The following ZNF469 variants were observed in gnomAD, a reference collection of about 807,000 sequenced individuals.
ZNF469 encodes the protein zinc finger protein 469.
In ZNF469, 1 loss-of-function variant was observed where a neutral mutation model predicts 1.0. The observed-to-expected ratio is 1.00, with a 90% confidence interval of 0.35 to 4.73. The LOEUF is 4.73. Ranked by LOEUF, ZNF469 falls within the 30% of genes most tolerant of loss-of-function variation. The pLI is 0.16. For missense variants in ZNF469, 6,100 were observed against 5,356.3 expected, an observed-to-expected ratio of 1.14 and a Z score of -4.33; for synonymous variants, 2,703 against 2,363.4, an observed-to-expected ratio of 1.14 and a Z score of -4.17.
At chr16:88,112,963 A>G in the ZNF469 span, among the ~76,000 whole-genome samples, 1 of 151,824 alleles carries the variant, frequency 6.6e-6, no homozygotes, top group African/African-American at 2.4e-5. Context: ...CATTTTTAGT[A>G]GAGACGGGGT....
the ZNF469 span, among the ~76,000 whole-genome samples, chr16:88,117,956 T>G: frequency 2.0e-5 from 3 of 152,230 alleles, no homozygotes; most frequent in African/African-American, 7.2e-5. Context: ...TTTCTTTGTT[T>G]TTTTGAGACG....
In ZNF469 at chr16:88,420,171, C is replaced by T. The variant is rs571003060; in HGVS notation, c.-191-4636C>T. Among the ~76,000 whole-genome samples the T allele has an allele frequency of 1.2e-4, 18 of 152,350 alleles. No individual in the cohort carries two copies. The South Asian group carries it at 2.7e-3, about 23-fold the overall frequency. ...CAGTTCTCCCGCAGCTCCCCCTCGCCTGGAACCCCACGCTTTCCGCTCTCC... is the reference window on the plus strand; with the variant it reads ...CAGTTCTCCCGCAGCTCCCCCTCGCTTGGAACCCCACGCTTTCCGCTCTCC... On this transcript the variant is annotated intron_variant, in intron 1 of 2. Coordinates refer to ENST00000565624, the MANE Select transcript of ZNF469 (RefSeq NM_001367624.2).
the ZNF469 span, among the ~76,000 whole-genome samples, chr16:88,130,206 G>A: frequency 1.3e-5 from 2 of 152,176 alleles, no homozygotes; most frequent in African/African-American, 4.8e-5. Context: ...GGAAACGGGA[G>A]GCCAAGCTGT....
At chr16:88,133,621 TC>T in the ZNF469 span, among the ~76,000 whole-genome samples, 4,936 of 150,962 alleles carry the variant, frequency 0.033, no homozygotes, top group African/African-American at 0.11. Flanking sequence ...TTTTAATAAA[TC>T]AATAGATTAA....
the ZNF469 span, among the ~76,000 whole-genome samples, chr16:88,264,013 C>T: frequency 2.6e-5 from 4 of 152,102 alleles, no homozygotes; most frequent in Non-Finnish European, 5.9e-5. Context: ...CACCAGCCTC[C>T]CTGTGGCAGG....
the ZNF469 span, among the ~76,000 whole-genome samples, chr16:88,110,521 C>T: frequency 6.6e-6 from 1 of 152,390 alleles, no homozygotes; most frequent in Admixed American, 6.5e-5. Flanking sequence ...TCCTGCTCCT[C>T]CACACCCACA....
chr16:88,277,761 A>G, the ZNF469 span, among the ~76,000 whole-genome samples: 9 of 46,798 alleles, frequency 1.9e-4, no homozygotes, highest in Admixed American at 4.3e-4. Context: ...CCACGCTGAC[A>G]CTCGGTCAGT....
chr16:88,396,999 G>A (rs147780237), intron 1 of ZNF469, among the ~76,000 whole-genome samples: 30,921 of 129,536 alleles, frequency 0.24, 3,287 homozygotes, highest in African/African-American at 0.36. Context: ...AAGGGAGGCC[G>A]GGAGGAGACC....
chr16:88,385,041 G>A (rs920294534), intron 1 of ZNF469, among the ~76,000 whole-genome samples: 14 of 152,096 alleles, frequency 9.2e-5, no homozygotes, highest in African/African-American at 1.2e-4. Flanking sequence ...TAATAGGGAT[G>A]GTCTCCCCCT....
chr16:88,327,762 A>G, the ZNF469 span, among the ~76,000 whole-genome samples: 23 of 152,258 alleles, frequency 1.5e-4, 1 homozygote, highest in South Asian at 4.6e-3. Flanking sequence ...CCCGCACCAC[A>G]GGTGTCATCC....
At chr16:88,261,372 T>C in the ZNF469 span, among the ~76,000 whole-genome samples, 753 of 152,286 alleles carry the variant, frequency 4.9e-3, 6 homozygotes, top group African/African-American at 0.017. The surrounding 1 kb of genome is among the most constrained non-coding windows in gnomAD (Gnocchi z 6.0). Flanking sequence ...GGGAGGCTTG[T>C]GGTCCAAGGC....
chr16:88,216,657 T>G, the ZNF469 span, among the ~76,000 whole-genome samples: 1 of 152,244 alleles, frequency 6.6e-6, no homozygotes, highest in Non-Finnish European at 1.5e-5. Flanking sequence ...ATGTACCTAG[T>G]TGTGCCTTTG....
the ZNF469 span, among the ~76,000 whole-genome samples, chr16:88,186,136 G>A: frequency 1.2e-4 from 18 of 152,360 alleles, no homozygotes; most frequent in Non-Finnish European, 2.2e-4. Context: ...CCGTCTTCCT[G>A]TGGAGTGTAT....
At chr16:88,398,215 C>G (rs1904745653) in intron 1 of ZNF469, among the ~76,000 whole-genome samples, 1 of 152,072 alleles carries the variant, frequency 6.6e-6, no homozygotes, top group Non-Finnish European at 1.5e-5. Context: ...CCACCACCCT[C>G]CTCACTACTG....
the ZNF469 span, among the ~76,000 whole-genome samples, chr16:88,308,658 A>G: frequency 6.6e-6 from 1 of 152,110 alleles, no homozygotes; most frequent in Admixed American, 6.5e-5. Context: ...ACACCCACAG[A>G]CTGGGCATGG....
In ZNF469 at chr16:88,436,373, A is replaced by C; in HGVS notation, c.8903A>C (p.Glu2968Ala). The change falls in exon 3 of 3, where the codon GAA becomes GCA. Residue 2968 changes from glutamate (E) to alanine (A), a missense_variant. Coordinates refer to ENST00000565624, the MANE Select transcript of ZNF469 (RefSeq NM_001367624.2). ...CTGTGGGCCCTGGAGCCCAGCAGGG[A>C]AGCTGGTGCAGAGAAGCTGCCCTCC... ...LSLWALEPSREAGAEKLPSHC... is the reference protein window; with the variant it reads ...LSLWALEPSRAAGAEKLPSHC... The C allele has an allele frequency of 1.3e-6, 2 of 1,550,066 alleles. No homozygotes were observed. Among genetic ancestry groups the C allele is most frequent in the South Asian group, 2.4e-5 (2 of 84,050 alleles).
chr16:88,398,726 G>A (rs779154285), intron 1 of ZNF469, among the ~76,000 whole-genome samples: 3 of 152,000 alleles, frequency 2.0e-5, no homozygotes, highest in South Asian at 2.1e-4. Flanking sequence ...AAGGGAACAC[G>A]TGAGTCCCAG....
intron 1 of ZNF469, among the ~76,000 whole-genome samples, chr16:88,393,557 C>T (rs538071302): frequency 6.6e-6 from 1 of 152,346 alleles, no homozygotes; most frequent in South Asian, 2.1e-4. Flanking sequence ...AGCCCAGGAG[C>T]CCATCGAGGA....
At chr16:88,329,482 C>T in the ZNF469 span, among the ~76,000 whole-genome samples, 1 of 152,202 alleles carries the variant, frequency 6.6e-6, no homozygotes, top group Non-Finnish European at 1.5e-5. Flanking sequence ...CTCCCGCTGG[C>T]CCTCTGAGGG....
Sources: allele counts gnomAD v4.1 joint callset (sites outside exome capture counted in the v4.1 genomes callset), GRCh38; gene constraint gnomAD v4.1.1; non-coding constraint Gnocchi (gnomAD v3.1); transcripts MANE v1.5; gene names NCBI Gene and HGNC (gene_info 2026-07-23, HGNC 2026-07-21).